Variants in RETREG1 observed in about 807,000 individuals in gnomAD.
RETREG1 encodes family with sequence similarity 134 member B.
A neutral mutation model predicts 54.8 loss-of-function variants in RETREG1; 44 were observed. That is an observed-to-expected ratio of 0.80 (90% CI 0.63 to 1.03). The LOEUF (loss-of-function observed/expected upper bound fraction) is 1.03, where lower values mean the gene tolerates loss of function less well. Among genes scored for constraint, RETREG1 ranks in the 50% least tolerant of loss-of-function variants. RETREG1 has a pLI of 0.00. For missense variants in RETREG1, 554 were observed against 605.1 expected (o/e 0.92, Z 0.89); for synonymous variants, 217 against 238.5 (o/e 0.91, Z 0.83).
At chr5:16,483,194 C>T in intron 4 of RETREG1, 152 bp downstream of exon 4, 1 of 849,308 alleles carries the variant, frequency 1.2e-6, no homozygotes, top group Non-Finnish European at 1.9e-6. Flanking sequence ...ACTCACACAT[C>T]TGAACCTTGC....
intron 1 of RETREG1, among the ~76,000 whole-genome samples, chr5:16,578,958 T>C (rs1382438513): frequency 6.6e-6 from 1 of 152,158 alleles, no homozygotes; most frequent in Non-Finnish European, 1.5e-5. Context: ...CTAGAGAAGG[T>C]GGCATCTAAA....
intron 3 of RETREG1, among the ~76,000 whole-genome samples, chr5:16,551,558 G>T (rs1410308084): frequency 6.6e-6 from 1 of 152,036 alleles, no homozygotes; most frequent in African/African-American, 2.4e-5. Context: ...TCCCAAAAAT[G>T]TTACCACCCC....
At chr5:16,588,398 T>C (rs1229917615) in intron 1 of RETREG1, among the ~76,000 whole-genome samples, 1 of 152,202 alleles carries the variant, frequency 6.6e-6, no homozygotes, top group Non-Finnish European at 1.5e-5. Flanking sequence ...TGACTACCTT[T>C]AAAGGTCCTA....
intron 1 of RETREG1, among the ~76,000 whole-genome samples, chr5:16,577,795 A>G (rs1330958776): frequency 3.3e-5 from 5 of 151,986 alleles, no homozygotes; most frequent in Non-Finnish European, 5.9e-5. Context: ...AAGTCTCACG[A>G]GATCTGATGG....
At chr5:16,567,594 G>A (rs1235991897) in intron 2 of RETREG1, among the ~76,000 whole-genome samples, 1 of 152,144 alleles carries the variant, frequency 6.6e-6, no homozygotes, top group Non-Finnish European at 1.5e-5. Context: ...ACAGGTGGCT[G>A]GGGGAGCCTC....
intron 1 of RETREG1, among the ~76,000 whole-genome samples, chr5:16,583,904 T>C (rs1347196970): frequency 6.6e-6 from 1 of 152,220 alleles, no homozygotes; most frequent in African/African-American, 2.4e-5. Flanking sequence ...ACTCTTAAAA[T>C]GGAGATCCAA....
At chr5:16,536,548 C>T (rs1741079940) in intron 3 of RETREG1, among the ~76,000 whole-genome samples, 1 of 151,846 alleles carries the variant, frequency 6.6e-6, no homozygotes, top group South Asian at 2.1e-4. Flanking sequence ...TAACTCCTCG[C>T]CCAAGGAGCC....
chr5:16,525,362 G>A (rs1039609600), intron 3 of RETREG1, among the ~76,000 whole-genome samples: 2 of 152,018 alleles, frequency 1.3e-5, no homozygotes, highest in African/African-American at 2.4e-5. Flanking sequence ...TGCGTCCTTC[G>A]AGATGCTCAA....
chr5:16,588,712 G>C (rs955952151), intron 1 of RETREG1, among the ~76,000 whole-genome samples: 1 of 152,216 alleles, frequency 6.6e-6, no homozygotes, highest in Non-Finnish European at 1.5e-5. Flanking sequence ...AAGAAACTAT[G>C]CAGATTAGAG....
In RETREG1 at chr5:16,543,970, GTTTTTTTTTTTT is replaced by G. The variant is rs750605921; in HGVS notation, c.458+21781_458+21792del. ...TTTTTATGGGTTTGTTTATTGCCAA[GTTTTTTTTTTTT>G]TTTTTTTTTGGAGACGGAGTCTCAC... On this transcript the variant is annotated intron_variant, in intron 3 of 8. Coordinates refer to ENST00000306320, the MANE Select transcript of RETREG1 (RefSeq NM_001034850.3). Among the ~76,000 whole-genome samples, 114 of 121,096 alleles carry G rather than the reference GTTTTTTTTTTTT, an allele frequency of 9.4e-4. 4 individuals carry two copies. In the East Asian group the frequency reaches 0.024, roughly 26 times the overall value. The allele number at this position is 121,096 out of a possible 152,430, so 79.4% of individuals were successfully genotyped here. A position where few individuals can be genotyped will look rare whatever the true frequency, so the allele number is the denominator to read the frequency against.
At chr5:16,538,903 A>G (rs1276940140) in intron 3 of RETREG1, among the ~76,000 whole-genome samples, 1 of 152,154 alleles carries the variant, frequency 6.6e-6, no homozygotes, top group African/African-American at 2.4e-5. Flanking sequence ...ACGGGGTTTC[A>G]ACATGTTAGC....
chr5:16,588,779 G>A (rs1202433925), intron 1 of RETREG1, among the ~76,000 whole-genome samples: 1 of 152,200 alleles, frequency 6.6e-6, no homozygotes, highest in Non-Finnish European at 1.5e-5. Flanking sequence ...ACCGTGTCCT[G>A]GCCTACTTAG....
At chr5:16,587,030 G>T (rs1448752456) in intron 1 of RETREG1, among the ~76,000 whole-genome samples, 2 of 152,196 alleles carry the variant, frequency 1.3e-5, no homozygotes, top group African/African-American at 4.8e-5. Flanking sequence ...AGCTCCCAAA[G>T]GCTTCCTCTC....
intron 3 of RETREG1, among the ~76,000 whole-genome samples, chr5:16,542,410 A>G (rs1215065301): frequency 6.6e-6 from 1 of 152,252 alleles, no homozygotes; most frequent in Non-Finnish European, 1.5e-5. Flanking sequence ...TGAAAAACGG[A>G]AGACAGTCAT....
chr5:16,604,968 TA>T (rs1743145652), intron 1 of RETREG1, among the ~76,000 whole-genome samples: 2 of 152,202 alleles, frequency 1.3e-5, no homozygotes, highest in Admixed American at 1.3e-4. Flanking sequence ...TAATATAGTA[TA>T]GGGGTGACTA....
chr5:16,554,161 A>C (rs1471337822), intron 3 of RETREG1, among the ~76,000 whole-genome samples: 1 of 152,206 alleles, frequency 6.6e-6, no homozygotes. Flanking sequence ...CTTGGAAATA[A>C]ATCATTTTTC....
intron 1 of RETREG1, among the ~76,000 whole-genome samples, chr5:16,577,724 C>T (rs1478085044): frequency 1.3e-5 from 2 of 152,012 alleles, no homozygotes; most frequent in Admixed American, 1.3e-4. Context: ...GGGAGGGACC[C>T]AATGGGAGAC....
chr5:16,580,678 G>C (rs888879382), intron 1 of RETREG1, among the ~76,000 whole-genome samples: 8 of 152,180 alleles, frequency 5.3e-5, no homozygotes, highest in Non-Finnish European at 1.0e-4. Flanking sequence ...ATTATCATGA[G>C]GGGGAGTGTG....
chr5:16,550,302 A>G (rs1741498190), intron 3 of RETREG1, among the ~76,000 whole-genome samples: 1 of 151,576 alleles, frequency 6.6e-6, no homozygotes, highest in Non-Finnish European at 1.5e-5. Flanking sequence ...TAAAGGAAAT[A>G]TGATTTAAAT....
Sources: gnomAD v4.1 joint callset for allele counts (sites outside exome capture counted in the v4.1 genomes callset) on GRCh38, gnomAD v4.1.1 for gene constraint, MANE v1.5 for transcripts, NCBI Gene and HGNC (gene_info 2026-07-23, HGNC 2026-07-21) for gene names.